Variants in RBMS3 observed in about 807,000 individuals in gnomAD.
RBMS3 encodes the protein RNA binding motif single stranded interacting protein 3, also known as RNA-binding motif, single-stranded-interacting protein 3.
RBMS3 carries 27 observed loss-of-function variants against 66.8 expected under a neutral mutation model. The observed-to-expected ratio is 0.40, with a 90% CI of 0.30 to 0.56. The LOEUF is 0.56. Ranked by LOEUF, RBMS3 falls within the 20% of genes least tolerant of loss-of-function variation. The pLI is 0.40. For missense variants in RBMS3, 513 were observed against 549.5 expected (o/e 0.93, Z 0.66); for synonymous variants, 188 against 183.0 (o/e 1.03, Z -0.22).
chr3:29,774,463 G>C (rs192224016), intron 6 of RBMS3, among the ~76,000 whole-genome samples: 1 of 152,012 alleles, frequency 6.6e-6, no homozygotes, highest in Admixed American at 6.6e-5. Flanking sequence ...AGACAAAGGG[G>C]TTTTAAAATA....
At chr3:29,414,673 C>G (rs1242310416) in intron 1 of RBMS3, among the ~76,000 whole-genome samples, 3 of 151,986 alleles carry the variant, frequency 2.0e-5, no homozygotes, top group Non-Finnish European at 4.4e-5. Context: ...AAATCAGCCT[C>G]GCGACACACT....
At chr3:29,465,717 G>A (rs2042520960) in intron 2 of RBMS3, among the ~76,000 whole-genome samples, 1 of 152,242 alleles carries the variant, frequency 6.6e-6, no homozygotes, top group African/African-American at 2.4e-5. Flanking sequence ...CTGCTATTTA[G>A]ATGGTTTATT....
At chr3:29,926,158 G>A (rs1489175842) in intron 10 of RBMS3, among the ~76,000 whole-genome samples, 2 of 152,156 alleles carry the variant, frequency 1.3e-5, no homozygotes, top group African/African-American at 4.8e-5. Flanking sequence ...CACAGAACAT[G>A]TCATCAATAG....
chr3:29,848,316 T>C (rs1398555134), intron 6 of RBMS3, among the ~76,000 whole-genome samples: 1 of 152,202 alleles, frequency 6.6e-6, no homozygotes, highest in Non-Finnish European at 1.5e-5. Flanking sequence ...GTATGAACTA[T>C]GCCATTTAGC....
intron 6 of RBMS3, among the ~76,000 whole-genome samples, chr3:29,802,715 T>A (rs561888265): frequency 4.5e-4 from 69 of 152,278 alleles, no homozygotes; most frequent in African/African-American, 1.2e-3. Context: ...TAGTTAGAAG[T>A]AAGTTTGGCT....
chr3:29,591,428 A>C (rs1181834381), intron 4 of RBMS3, among the ~76,000 whole-genome samples: 1 of 152,192 alleles, frequency 6.6e-6, no homozygotes, highest in Non-Finnish European at 1.5e-5. Context: ...AGGAAAGGAG[A>C]AAATGGGAAG....
intron 6 of RBMS3, among the ~76,000 whole-genome samples, chr3:29,798,522 CTT>C (rs2057287761): frequency 6.6e-6 from 1 of 152,076 alleles, no homozygotes; most frequent in African/African-American, 2.4e-5. Context: ...AGTTTTGTCT[CTT>C]CTTTTAATTT....
At chr3:29,508,289 T>C (rs1397859977) in intron 3 of RBMS3, among the ~76,000 whole-genome samples, 1 of 152,176 alleles carries the variant, frequency 6.6e-6, no homozygotes, top group Non-Finnish European at 1.5e-5. Flanking sequence ...GCCATGGTGG[T>C]TTGCTGCACC....
chr3:29,591,185 A>G (rs2047722178), intron 4 of RBMS3, among the ~76,000 whole-genome samples: 1 of 152,190 alleles, frequency 6.6e-6, no homozygotes, highest in Non-Finnish European at 1.5e-5. Flanking sequence ...ACATCAATAA[A>G]GGTGACATGC....
In RBMS3 at chr3:29,670,322, T is replaced by G. The variant is rs547863463; in HGVS notation, c.400-69398T>G. The stretch of plus-strand genomic sequence containing the variant: ...GCCAAATAGGAAGAGCTCCAGTCTA[T>G]AGCTCCCAGCATGAGCGACGCAGAA... On this transcript the variant is annotated intron_variant, in intron 4 of 14. Coordinates refer to ENST00000383767, the MANE Select transcript of RBMS3 (RefSeq NM_001003793.3). Among the ~76,000 whole-genome samples, 642 of 152,284 alleles carry G rather than the reference T, an allele frequency of 4.2e-3. 14 individuals carry two copies. Among genetic ancestry groups the G allele is most frequent in the Admixed American group, 0.035 (537 of 15,302 alleles).
chr3:29,667,267 T>C (rs1456496757), intron 4 of RBMS3, among the ~76,000 whole-genome samples: 1 of 152,208 alleles, frequency 6.6e-6, no homozygotes, highest in Non-Finnish European at 1.5e-5. Flanking sequence ...AAATATCCAT[T>C]TTTCTTGTGT....
rs180808061 is a variant in RBMS3, at chr3:29,777,455, G to A, written c.637+14466G>A. ...TATTGCCTTAATTCTCTCTTAATGC[G>A]TTTTATTAGTAAATGCTTATAAAGT... On this transcript the variant is annotated intron_variant, in intron 6 of 14. Transcript: ENST00000383767. Among the ~76,000 whole-genome samples the A allele has an allele frequency of 3.9e-3, 595 of 151,828 alleles. 7 individuals carry two copies. The highest frequency in any genetic ancestry group is 0.012 in the African/African-American group (514 of 41,468).
At chr3:29,585,547 C>T (rs879113215) in intron 3 of RBMS3, among the ~76,000 whole-genome samples, 6 of 152,050 alleles carry the variant, frequency 3.9e-5, no homozygotes, top group Non-Finnish European at 5.9e-5. Context: ...TATAATGGCA[C>T]GAAGCCAGTA....
At chr3:29,985,380 G>A (rs968443003) in intron 12 of RBMS3, among the ~76,000 whole-genome samples, 2 of 151,504 alleles carry the variant, frequency 1.3e-5, no homozygotes, top group African/African-American at 4.8e-5. Context: ...TGTCTCACTG[G>A]CATTCCAGGT....
intron 3 of RBMS3, among the ~76,000 whole-genome samples, chr3:29,492,412 C>T (rs1460946137): frequency 6.6e-6 from 1 of 151,996 alleles, no homozygotes; most frequent in Non-Finnish European, 1.5e-5. Context: ...GATATGAGGT[C>T]ATGGAAAGGT....
At chr3:29,650,088 G>T (rs918197216) in intron 4 of RBMS3, among the ~76,000 whole-genome samples, 1 of 152,122 alleles carries the variant, frequency 6.6e-6, no homozygotes, top group Admixed American at 6.5e-5. Context: ...TTTACATTGT[G>T]TTTAGTTTCA....
intron 12 of RBMS3, among the ~76,000 whole-genome samples, chr3:29,947,009 T>A (rs1180755750): frequency 1.3e-5 from 2 of 151,556 alleles, no homozygotes; most frequent in East Asian, 3.9e-4. Flanking sequence ...AGTGGCAAAC[T>A]GTGGGTTTAA....
At chr3:29,539,348 G>A (rs1026867810) in intron 3 of RBMS3, among the ~76,000 whole-genome samples, 4 of 152,144 alleles carry the variant, frequency 2.6e-5, no homozygotes, top group East Asian at 3.9e-4. Flanking sequence ...GAATCATCAG[G>A]TTTTATTCTG....
chr3:29,734,642 G>A (rs994543400), intron 4 of RBMS3, among the ~76,000 whole-genome samples: 6 of 151,924 alleles, frequency 3.9e-5, no homozygotes, highest in African/African-American at 1.4e-4. Context: ...AGAAATAGTA[G>A]GAATATATTC....
Sources: gnomAD v4.1 joint callset for allele counts (sites outside exome capture counted in the v4.1 genomes callset) on GRCh38, gnomAD v4.1.1 for gene constraint, MANE v1.5 for transcripts, NCBI Gene and HGNC (gene_info 2026-07-23, HGNC 2026-07-21) for gene names.